The following CCT6A variants were observed in gnomAD, a reference collection of about 807,000 sequenced individuals.
CCT6A encodes T-complex protein 1 subunit zeta.
Under a neutral mutation model 58.6 loss-of-function variants are expected in CCT6A, and 6 were observed. The ratio of observed to expected loss-of-function variants is 0.10; its 90% CI spans 0.06 to 0.20. The LOEUF is 0.20. Ranked by LOEUF, CCT6A falls within the 10% of genes least tolerant of loss-of-function variation. The probability of loss-of-function intolerance (pLI) is 1.00; values close to 1 mark genes in which losing one functional copy is unlikely to be tolerated. For synonymous variants in CCT6A, 245 were observed against 227.8 expected (o/e 1.08, Z -0.68); for missense variants, 516 against 648.8 (o/e 0.80, Z 2.22).
chr7:56,052,788 C>CTTTT (rs776930910), intron 2 of CCT6A, among the ~76,000 whole-genome samples: 862 of 26,756 alleles, frequency 0.032, 7 homozygotes, highest in African/African-American at 0.072. Context: ...TTTTTCTTTT[C>CTTTT]TTTTCTTTTT....
At chr7:56,052,536 G>A (rs1180841512) in intron 2 of CCT6A, 51 bp downstream of exon 2, 2 of 1,458,118 alleles carry the variant, frequency 1.4e-6, no homozygotes, top group East Asian at 4.5e-5. Context: ...TCCGTAGAAT[G>A]TTTTCTTTGT....
rs1479615261 is a variant in CCT6A at position 56,058,519 on chromosome 7, A to G, written c.883A>G (p.Lys295Glu). 6.3e-7 allele frequency: 1 copy of G among 1,592,340 alleles called. No individual in the cohort carries two copies. Among genetic ancestry groups the G allele is most frequent in the Non-Finnish European group, 8.5e-7 (1 of 1,172,202 alleles). Residue 295 changes from lysine (K) to glutamate (E), a missense_variant and splice_region_variant, in exon 7 of 14, where the codon AAG becomes GAG. Lys to Glu is a moderately conservative substitution (Grantham distance 56). This residue lies in a region of CCT6A where 315 missense variants were observed against 389.4 expected (regional missense o/e 0.81). Transcript: ENST00000275603. ...SDKGFVVINQ[K>E]GIDPFSLDAL... ...TAAAGGATTTGTTGTTATTAATCAA[A>G]AGGTGAGAATGAAAACTCAATGTAT...
chr7:56,061,077 T>G, intron 11 of CCT6A, 137 bp downstream of exon 11: 2 of 870,356 alleles, frequency 2.3e-6, no homozygotes, highest in African/African-American at 3.4e-5. Context: ...GAACAGGTAT[T>G]CCTCATCATC....
intron 13 of CCT6A, 97 bp downstream of exon 13, chr7:56,062,852 G>C (rs1293132058): frequency 8.3e-7 from 1 of 1,201,156 alleles, no homozygotes; most frequent in African/African-American, 1.5e-5. Flanking sequence ...TGAATAATGT[G>C]ATCAGCTGGA....
intron 1 of CCT6A, among the ~76,000 whole-genome samples, 194 bp downstream of exon 1, chr7:56,052,179 C>G (rs1313576815): frequency 6.6e-6 from 1 of 152,192 alleles, no homozygotes; most frequent in Non-Finnish European, 1.5e-5. Flanking sequence ...ATGCAGTCTC[C>G]GCGGAGAACA....
chr7:56,052,333 C>G lies in CCT6A; in HGVS notation c.138-89C>G, dbSNP rs540249234. The G allele has an allele frequency of 1.4e-4, 170 of 1,230,832 alleles. 3 individuals are homozygous for G. The South Asian group carries it at 2.0e-3, about 14-fold the overall frequency. 76.2% of individuals were successfully genotyped at this position (1,230,832 alleles called of 1,614,324 possible). A position where few individuals can be genotyped will look rare whatever the true frequency, so the allele number is the denominator to read the frequency against. ...TAACTAGCCCCACATCCCTGGCTCC[C>G]TAAAATCTGGGAAAAGCCCGTTTTC... On this transcript the variant is annotated intron_variant, in intron 1 of 13. Coordinates refer to ENST00000275603, the MANE Select transcript of CCT6A (RefSeq NM_001762.4).
At chr7:56,063,985 ACCT>A (rs1331116319) in exon 14 of CCT6A, 19 of 494,498 alleles carry the variant, frequency 3.8e-5, no homozygotes, top group Admixed American at 2.5e-4. Flanking sequence ...TTAAGTTGAA[ACCT>A]CCTTTCTGTT....
intron 1 of CCT6A, 77 bp from the exon 2 acceptor site, chr7:56,052,345 A>G: frequency 7.3e-7 from 1 of 1,373,818 alleles, no homozygotes; most frequent in Non-Finnish European, 1.0e-6. Flanking sequence ...AAAATCTGGG[A>G]AAAGCCCGTT....
intron 12 of CCT6A, 128 bp from the exon 13 acceptor site, chr7:56,062,555 T>G: frequency 1.2e-6 from 1 of 801,512 alleles, no homozygotes; most frequent in Non-Finnish European, 2.1e-6. Flanking sequence ...AAAATTGGGC[T>G]AACAGAGAAG....
rs936934392 is a variant in CCT6A, at chr7:56,063,740, G to C, written c.*655G>C. The C allele has an allele frequency of 1.9e-5, 3 of 156,950 alleles. No homozygotes were observed. The highest frequency in any genetic ancestry group is 7.2e-5 in the African/African-American group (3 of 41,482). 9.7% of individuals were successfully genotyped at this position (156,950 alleles called of 1,614,324 possible). On this transcript the variant is annotated 3_prime_UTR_variant, in exon 14 of 14. Coordinates refer to ENST00000275603, the MANE Select transcript of CCT6A (RefSeq NM_001762.4). ...GGAAGGTGTGGTGACTAAGGGCCACGGTTATTGGGTGAAATTTGAGATTGT... is the reference window on the plus strand; with the variant it reads ...GGAAGGTGTGGTGACTAAGGGCCACCGTTATTGGGTGAAATTTGAGATTGT...
In CCT6A at chr7:56,063,988, T is replaced by C. The variant is rs573751715; in HGVS notation, c.*903T>C. On this transcript the variant is annotated 3_prime_UTR_variant, in exon 14 of 14. Transcript: ENST00000275603. ...GTGCAATAAATGTTAAGTTGAAACC[T>C]CCTTTCTGTTCTTGCAATGGTATGA... 1 of 501,724 alleles carries C rather than the reference T, an allele frequency of 2.0e-6. No homozygotes were observed. Among genetic ancestry groups the C allele is most frequent in the Non-Finnish European group, 3.5e-6 (1 of 288,152 alleles). The allele number at this position is 501,724 out of a possible 1,614,324, so 31.1% of individuals were successfully genotyped here.
intron 2 of CCT6A, 86 bp from the exon 3 acceptor site, chr7:56,054,283 C>CA (rs777367513): frequency 2.0e-4 from 230 of 1,173,520 alleles, no homozygotes; most frequent in Non-Finnish European, 2.5e-4. Context: ...AGATAGCACT[C>CA]AAAGAGGCCC....
intron 3 of CCT6A, among the ~76,000 whole-genome samples, chr7:56,054,863 C>G (rs778719662): frequency 6.6e-6 from 1 of 152,192 alleles, no homozygotes; most frequent in African/African-American, 2.4e-5. Context: ...CTGACTAGTT[C>G]CAAGGTTAAA....
chr7:56,060,623 G>C, intron 10 of CCT6A, 184 bp from the exon 11 acceptor site: 1 of 947,368 alleles, frequency 1.1e-6, no homozygotes. Flanking sequence ...ATACTGATCT[G>C]TTGAAAGCTG....
Position 56,058,718 on chromosome 7 carries a change from G to T in CCT6A, c.968+16G>T. The T allele has an allele frequency of 1.4e-6, 2 of 1,435,466 alleles. No individual in the cohort carries two copies. Among genetic ancestry groups the T allele is most frequent in the South Asian group, 1.2e-5 (1 of 82,652 alleles). The allele number at this position is 1,435,466 out of a possible 1,614,324, so 88.9% of individuals were successfully genotyped here. A position where few individuals can be genotyped will look rare whatever the true frequency, so the allele number is the denominator to read the frequency against. On this transcript the variant is annotated intron_variant, in intron 8 of 13. Transcript: ENST00000275603. ...ATATGGAGAGGTATCCGAGTAATTT[G>T]ACTTTTACTCATTTTGCAAGTGAAT...
At chr7:56,056,462 C>T (rs1794306280) in intron 5 of CCT6A, 48 bp downstream of exon 5, 1 of 932,614 alleles carries the variant, frequency 1.1e-6, no homozygotes, top group Non-Finnish European at 1.8e-6. Flanking sequence ...GAGGCTCACA[C>T]CTGTAATCCC....
rs749565026 is a variant in CCT6A, at chr7:56,058,539, A to G, written c.885+18A>G. On this transcript the variant is annotated intron_variant, in intron 7 of 13. Transcript: ENST00000275603. ...ATCAAAAGGTGAGAATGAAAACTCA[A>G]TGTATAAACTAAATAGTACGTATCA... 5.4e-5 allele frequency: 85 copies of G among 1,582,618 alleles called. No homozygotes were observed. Among genetic ancestry groups the G allele is most frequent in the Non-Finnish European group, 7.0e-5 (81 of 1,162,882 alleles).
rs1278530137 is a variant in CCT6A, at chr7:56,052,504, TAG to T, written c.201+20_201+21del. ...CGAAATGGTGAGAGGTGCTCTGGGC[TAG>T]GTCAGAAAGGTCTTGATTTTCCGTA... On this transcript the variant is annotated intron_variant, in intron 2 of 13. Coordinates refer to ENST00000275603, the MANE Select transcript of CCT6A (RefSeq NM_001762.4). The T allele has an allele frequency of 6.2e-7, 1 of 1,605,298 alleles. No individual in the cohort carries two copies. Among genetic ancestry groups the T allele is most frequent in the South Asian group, 1.1e-5 (1 of 90,928 alleles).
chr7:56,056,465 G>A (rs1218652093), intron 5 of CCT6A, 51 bp downstream of exon 5: 4 of 918,354 alleles, frequency 4.4e-6, no homozygotes, highest in Non-Finnish European at 5.4e-6. Flanking sequence ...GCTCACACCT[G>A]TAATCCCAGC....
Sources: allele counts gnomAD v4.1 joint callset (sites outside exome capture counted in the v4.1 genomes callset), GRCh38; gene constraint gnomAD v4.1.1; regional missense constraint gnomAD v4.1.1; transcripts MANE v1.5; gene names NCBI Gene and HGNC (gene_info 2026-07-23, HGNC 2026-07-21).